The following KIAA1549L variants were observed in gnomAD, a reference collection of about 807,000 sequenced individuals.
The protein encoded by KIAA1549L is UPF0606 protein KIAA1549L.
Under a neutral mutation model 160.7 loss-of-function variants are expected in KIAA1549L, and 88 were observed. The ratio of observed to expected loss-of-function variants is 0.55; its 90% CI spans 0.46 to 0.65. The LOEUF is 0.65. Among genes scored for constraint, KIAA1549L ranks in the 30% least tolerant of loss-of-function variants. KIAA1549L has a pLI of 0.00. For synonymous variants in KIAA1549L, 950 were observed against 976.7 expected (o/e 0.97, Z 0.51); for missense variants, 2,258 against 2,437.5 (o/e 0.93, Z 1.55).
intron 1 of KIAA1549L, among the ~76,000 whole-genome samples, chr11:33,422,380 G>A (rs1274100103): frequency 6.6e-6 from 1 of 151,846 alleles, no homozygotes; most frequent in East Asian, 1.9e-4. Flanking sequence ...CACTTTTCTT[G>A]ATCCACTGCT....
intron 1 of KIAA1549L, among the ~76,000 whole-genome samples, chr11:33,379,489 A>G (rs1850029487): frequency 6.6e-6 from 1 of 152,190 alleles, no homozygotes; most frequent in Non-Finnish European, 1.5e-5. Context: ...TCTTTGTAGT[A>G]CTGAGTACTG....
At chr11:33,559,101 G>A (rs1384342240) in intron 6 of KIAA1549L, among the ~76,000 whole-genome samples, 1 of 152,042 alleles carries the variant, frequency 6.6e-6, no homozygotes, top group Non-Finnish European at 1.5e-5. Context: ...GCCTCCCAAA[G>A]TGCTGGGATT....
At chr11:33,570,021 T>TTTTG (rs1855194217) in intron 9 of KIAA1549L, among the ~76,000 whole-genome samples, 2 of 150,818 alleles carry the variant, frequency 1.3e-5, no homozygotes, top group East Asian at 1.9e-4. Context: ...TTTTTTTTTT[T>TTTTG]GAGACGGAGT....
intron 1 of KIAA1549L, among the ~76,000 whole-genome samples, chr11:33,482,740 G>A (rs1048678510): frequency 2.6e-5 from 4 of 151,396 alleles, no homozygotes; most frequent in African/African-American, 9.7e-5. Flanking sequence ...TGGCTAATTT[G>A]TGTGTTTTTA....
At chr11:33,617,714 T>C (rs1850849940) in intron 15 of KIAA1549L, among the ~76,000 whole-genome samples, 1 of 152,226 alleles carries the variant, frequency 6.6e-6, no homozygotes, top group Non-Finnish European at 1.5e-5. Flanking sequence ...TAATCTGTTT[T>C]GTTCACTGTG....
chr11:33,591,470 T>C (rs370866168), intron 12 of KIAA1549L, 49 bp downstream of exon 12: 1 of 1,455,518 alleles, frequency 6.9e-7, no homozygotes, highest in Non-Finnish European at 9.4e-7. Flanking sequence ...AGAGAATAAT[T>C]GATGATGAGA....
At chr11:33,463,439 C>T (rs1273814139) in intron 1 of KIAA1549L, among the ~76,000 whole-genome samples, 1 of 151,648 alleles carries the variant, frequency 6.6e-6, no homozygotes, top group Non-Finnish European at 1.5e-5. Context: ...ATGACGACCA[C>T]CAGTTGAAAC....
chr11:33,378,533 GGCTGGGAAAGAT>G (rs1850002250), intron 1 of KIAA1549L, among the ~76,000 whole-genome samples: 1 of 152,050 alleles, frequency 6.6e-6, no homozygotes, highest in Non-Finnish European at 1.5e-5. Context: ...GGGGATACGG[GGCTGGGAAAGAT>G]GCTTTGATTA....
intron 1 of KIAA1549L, among the ~76,000 whole-genome samples, chr11:33,527,698 A>G (rs960887480): frequency 1.3e-5 from 2 of 152,218 alleles, no homozygotes; most frequent in African/African-American, 2.4e-5. Flanking sequence ...CAAAGGACTA[A>G]TATCCAGAAT....
intron 1 of KIAA1549L, among the ~76,000 whole-genome samples, chr11:33,474,686 G>A (rs1852248081): frequency 6.6e-6 from 1 of 152,216 alleles, no homozygotes; most frequent in South Asian, 2.1e-4. Flanking sequence ...GCCACTTTGG[G>A]AAGTGGGTTG....
intron 4 of KIAA1549L, among the ~76,000 whole-genome samples, chr11:33,549,185 A>T (rs1854370384): frequency 6.6e-6 from 1 of 152,136 alleles, no homozygotes; most frequent in Admixed American, 6.5e-5. Context: ...AAACTTAAGC[A>T]CATTTTTTTG....
rs1852562506 is a variant in KIAA1549L, at chr11:33,668,475, T to A, written c.*321T>A. 2 of 372,262 alleles carry A rather than the reference T, an allele frequency of 5.4e-6. No individual in the cohort carries two copies. Among genetic ancestry groups the A allele is most frequent in the African/African-American group, 4.0e-5 (2 of 49,472 alleles). The allele number at this position is 372,262 out of a possible 1,614,324, so 23.1% of individuals were successfully genotyped here. A position where few individuals can be genotyped will look rare whatever the true frequency, so the allele number is the denominator to read the frequency against. On this transcript the variant is annotated 3_prime_UTR_variant, in exon 21 of 21. Transcript: ENST00000658780. Reference sequence around the variant, plus strand: ...GCACTAGCTAATCTACAGATTCCTATCCAATGCCACATTTTAATAAATCAC... The same window carrying A: ...GCACTAGCTAATCTACAGATTCCTAACCAATGCCACATTTTAATAAATCAC...
At chr11:33,647,375 CAAA>C (rs10578169) in intron 17 of KIAA1549L, among the ~76,000 whole-genome samples, 8 of 115,092 alleles carry the variant, frequency 7.0e-5, no homozygotes, top group African/African-American at 2.0e-4. Context: ...GACTCTGTCT[CAAA>C]AAAAAAAAAA....
intron 1 of KIAA1549L, among the ~76,000 whole-genome samples, chr11:33,510,587 G>A (rs968296530): frequency 6.6e-6 from 1 of 152,234 alleles, no homozygotes; most frequent in African/African-American, 2.4e-5. Context: ...ATGCTCTCCA[G>A]AAAGCCCATG....
intron 6 of KIAA1549L, 77 bp from the exon 7 acceptor site, chr11:33,559,672 C>G: frequency 7.9e-7 from 1 of 1,271,040 alleles, no homozygotes; most frequent in Non-Finnish European, 1.1e-6. Context: ...TTAGCCTCCC[C>G]CTCCCATGGC....
At chr11:33,581,527 C>T (rs1362820993) in intron 10 of KIAA1549L, among the ~76,000 whole-genome samples, 2 of 151,884 alleles carry the variant, frequency 1.3e-5, no homozygotes, top group African/African-American at 2.4e-5. Flanking sequence ...TTCATAGAAA[C>T]GTTTGACCTC....
intron 1 of KIAA1549L, among the ~76,000 whole-genome samples, chr11:33,426,837 A>G (rs1426101970): frequency 6.6e-6 from 1 of 152,104 alleles, no homozygotes. Context: ...TGCTCCCCTG[A>G]GGGCCTCCAG....
chr11:33,605,527 C>A (rs971638905), intron 13 of KIAA1549L, among the ~76,000 whole-genome samples: 13 of 152,106 alleles, frequency 8.5e-5, no homozygotes, highest in African/African-American at 3.1e-4. Context: ...CAATTATAAC[C>A]CATTGTTAGA....
intron 16 of KIAA1549L, among the ~76,000 whole-genome samples, chr11:33,629,061 A>G (rs1048992839): frequency 1.1e-4 from 16 of 151,756 alleles, no homozygotes; most frequent in Admixed American, 3.9e-4. Context: ...GTTTGGCTGG[A>G]TATGAAATTC....
Sources: allele counts gnomAD v4.1 joint callset (sites outside exome capture counted in the v4.1 genomes callset), GRCh38; gene constraint gnomAD v4.1.1; transcripts MANE v1.5; gene names NCBI Gene and HGNC (gene_info 2026-07-23, HGNC 2026-07-21).